Variants in DNAAF2 observed in about 807,000 individuals in gnomAD.
DNAAF2 encodes the protein dynein axonemal assembly factor 2.
Under a neutral mutation model 48.8 loss-of-function variants are expected in DNAAF2, and 58 were observed. That is an observed-to-expected ratio of 1.19 (90% confidence interval 0.96 to 1.48). DNAAF2 has a LOEUF of 1.48. Among genes scored for constraint, DNAAF2 ranks in the 40% most tolerant of loss-of-function variants. DNAAF2 has a pLI of 0.00. For synonymous variants in DNAAF2, 567 were observed against 481.2 expected (o/e 1.18, Z -2.33); for missense variants, 1,241 against 1,116.1 (o/e 1.11, Z -1.59).
At position 49,633,476 on chromosome 14, in the gene DNAAF2, T is replaced by C. The variant is rs368097316; in HGVS notation, c.1674A>G (p.Lys558=). 7.9e-5 allele frequency: 127 copies of C among 1,613,908 alleles called. No individual in the cohort carries two copies. Among genetic ancestry groups the C allele is most frequent in the South Asian group, 2.1e-4 (19 of 91,090 alleles). Residue 558 remains lysine (K), a synonymous_variant, in exon 1 of 3, where the codon AAA becomes AAG. Transcript: ENST00000298292. The stretch of plus-strand genomic sequence containing the variant: ...CTAAGTCTTGTGCGGAGAAGCGTAA[T>C]TTGTACCAGAGGGGATTCAAATCTC... The part of the protein sequence containing the change: ...LQGDLNPLWY[K]LRFSAQDLVY...
In DNAAF2 at chr14:49,625,471, A is replaced by C; in HGVS notation, c.*71T>G. The C allele has an allele frequency of 8.5e-7, 1 of 1,169,910 alleles. No individual in the cohort carries two copies. The highest frequency in any genetic ancestry group is 1.1e-6 in the Non-Finnish European group (1 of 888,958). 72.5% of individuals were successfully genotyped at this position (1,169,910 alleles called of 1,614,324 possible). ...TTAATACCTTTAGTTTTAAGACAACAGTTAACAGAATCAATTTTAGATACA... is the reference window on the plus strand; with the variant it reads ...TTAATACCTTTAGTTTTAAGACAACCGTTAACAGAATCAATTTTAGATACA... On this transcript the variant is annotated 3_prime_UTR_variant, in exon 3 of 3. Transcript: ENST00000298292.
rs557931447 is a variant in DNAAF2, at chr14:49,634,570, C to T, written c.580G>A (p.Gly194Arg). 2 of 1,605,054 alleles carry T rather than the reference C, an allele frequency of 1.2e-6. No individual in the cohort carries two copies. Among genetic ancestry groups the T allele is most frequent in the Non-Finnish European group, 1.7e-6 (2 of 1,179,718 alleles). The change falls in exon 1 of 3, where the codon GGG becomes AGG. Residue 194 changes from glycine to arginine, a missense_variant. Transcript: ENST00000298292. ...CGCAGCACCGCAGCCTCTGGGGTCCCCTTATACTTGGCCTTCAGGGTCTTG... is the reference window on the plus strand; with the variant it reads ...CGCAGCACCGCAGCCTCTGGGGTCCTCTTATACTTGGCCTTCAGGGTCTTG... ...NAKTLKAKYK[G>R]TPEAAVLRTP...
chr14:49,630,772 GAA>G (rs1883141197), intron 1 of DNAAF2, among the ~76,000 whole-genome samples: 1 of 112,152 alleles, frequency 8.9e-6, no homozygotes, highest in Non-Finnish European at 2.0e-5. Flanking sequence ...TTTTTTTTGA[GAA>G]AGAGTCTCAC....
intron 2 of DNAAF2, 22 bp downstream of exon 2, chr14:49,627,990 T>C (rs373069216): frequency 3.9e-6 from 6 of 1,552,066 alleles, no homozygotes; most frequent in Non-Finnish European, 4.4e-6. Context: ...TACTCCTCTA[T>C]AGAGCCCATC....
rs1014698490 is a variant in DNAAF2, at chr14:49,634,616, C to T, written c.534G>A (p.Val178=). The change falls in exon 1 of 3, where the codon GTG becomes GTA. Residue 178 remains valine, a synonymous_variant. Transcript: ENST00000298292. ...ALEAVEKQFG[V]KLDRRNAKTL... is the part of the protein sequence containing the mutation. Reference sequence around the variant, plus strand: ...TCTTGGCATTCCTGCGGTCCAGCTTCACGCCGAACTGCTTCTCGACGGCCT... The same window carrying T: ...TCTTGGCATTCCTGCGGTCCAGCTTTACGCCGAACTGCTTCTCGACGGCCT... 1.2e-6 allele frequency: 2 copies of T among 1,606,828 alleles called. No individual in the cohort carries two copies. Among genetic ancestry groups the T allele is most frequent in the Admixed American group, 1.7e-5 (1 of 60,006 alleles).
Position 49,625,813 on chromosome 14 carries a change from G to T in DNAAF2, c.2243C>A (p.Ser748Ter), listed in dbSNP as rs369112997. The T allele has an allele frequency of 6.2e-6, 10 of 1,607,362 alleles. No homozygotes were observed. In the African/African-American group the frequency reaches 8.1e-5, roughly 13 times the overall value. The change falls in exon 3 of 3, where the codon TCA becomes TAA. Residue 748 changes from serine to a stop codon, truncating the protein, a stop_gained. Transcript: ENST00000298292. LOFTEE classifies it high-confidence loss of function. ...MILGKSQQPE[S>*]KMQSEFIKEK... is the part of the protein sequence containing the mutation. ...TTTTATAAATTCAGATTGCATTTTT[G>T]ACTCAGGTTGCTGAGATTTTCCAAG...
chr14:49,628,243 T>A (rs1472213308), intron 1 of DNAAF2, 88 bp from the exon 2 acceptor site: 2 of 1,062,780 alleles, frequency 1.9e-6, no homozygotes, highest in East Asian at 2.6e-5. Flanking sequence ...AATTCTCACA[T>A]TGTTCAGGGT....
chr14:49,634,459 G>C lies in DNAAF2; in HGVS notation c.691C>G (p.Pro231Ala). ...LPDFPYPYQY[P>A]AAPGPRAPSP... The stretch of plus-strand genomic sequence containing the variant: ...GGCGCCCGGGGCCCGGGGGCTGCCG[G>C]GTACTGGTAAGGGTAGGGGAAGTCC... Residue 231 changes from proline to alanine, a missense_variant, in exon 1 of 3, where the codon CCG becomes GCG. Physicochemically the swap from Pro to Ala is conservative, Grantham distance 27. Transcript: ENST00000298292. 2 of 1,564,328 alleles carry C rather than the reference G, an allele frequency of 1.3e-6. No homozygotes were observed. The highest frequency in any genetic ancestry group is 1.7e-6 in the Non-Finnish European group (2 of 1,159,090).
Position 49,634,436 on chromosome 14 carries a change from C to A in DNAAF2, c.714G>T (p.Ala238=). ...GCAAGGCCGCTTCCGGAGGGGAGGG[C>A]GCCCGGGGCCCGGGGGCTGCCGGGT... The part of the protein sequence containing the change: ...YQYPAAPGPR[A]PSPPEAALQP... Residue 238 remains alanine (A), a synonymous_variant, in exon 1 of 3, where the codon GCG becomes GCT. Coordinates refer to ENST00000298292, the MANE Select transcript of DNAAF2 (RefSeq NM_018139.3). The A allele has an allele frequency of 6.4e-7, 1 of 1,559,960 alleles. No individual in the cohort carries two copies. The highest frequency in any genetic ancestry group is 8.7e-7 in the Non-Finnish European group (1 of 1,155,176).
chr14:49,625,409 A>G lies in DNAAF2; in HGVS notation c.*133T>C, dbSNP rs1882974383. 9 of 689,212 alleles carry G rather than the reference A, an allele frequency of 1.3e-5. No individual in the cohort carries two copies. The highest frequency in any genetic ancestry group is 1.9e-5 in the African/African-American group (1 of 53,378). 42.7% of individuals were successfully genotyped at this position (689,212 alleles called of 1,614,324 possible). A position where few individuals can be genotyped will look rare whatever the true frequency, so the allele number is the denominator to read the frequency against. On this transcript the variant is annotated 3_prime_UTR_variant, in exon 3 of 3. Transcript: ENST00000298292. ...TTCCCCCATGAGAATCAAAATTGCA[A>G]TTTTTTAAAAAAAATTGCAAATTTT...
At chr14:49,631,065 T>C (rs1283806670) in intron 1 of DNAAF2, among the ~76,000 whole-genome samples, 2 of 152,108 alleles carry the variant, frequency 1.3e-5, no homozygotes, top group Non-Finnish European at 2.9e-5. Flanking sequence ...TTTTCTTCCA[T>C]TAAACAGTAT....
chr14:49,633,526 G>C lies in DNAAF2; in HGVS notation c.1624C>G (p.Arg542Gly), dbSNP rs201615253. The C allele has an allele frequency of 4.3e-6, 7 of 1,614,026 alleles. No homozygotes were observed. Among genetic ancestry groups the C allele is most frequent in the Middle Eastern group, 1.6e-4 (1 of 6,062 alleles). The change falls in exon 1 of 3, where the codon CGG becomes GGG. Residue 542 changes from arginine (R) to glycine (G), a missense_variant. Transcript: ENST00000298292. ...CCTTGAAGACTTTGCGGCTGGATCC[G>C]AGGCACCTGAATGAGCAGAGTCAAG... ...ETLTLLIQVPRIQPQSLQGDL... is the reference protein window; with the variant it reads ...ETLTLLIQVPGIQPQSLQGDL...
intron 1 of DNAAF2, among the ~76,000 whole-genome samples, chr14:49,628,684 ACCTCAAGCTATCCACCTGCCCTGG>A (rs1883075583): frequency 6.6e-6 from 1 of 152,152 alleles, no homozygotes; most frequent in Non-Finnish European, 1.5e-5. Context: ...TGAACTCCTG[ACCTCAAGCTATCCACCTGCCCTGG>A]CCTCCCAAAG....
rs527414146 is a variant in DNAAF2, at chr14:49,633,894, T to A, written c.1256A>T (p.Glu419Val). 5.9e-6 allele frequency: 9 copies of A among 1,534,260 alleles called. No homozygotes were observed. In the East Asian group the frequency reaches 2.0e-4, roughly 33 times the overall value. Residue 419 changes from glutamate to valine, a missense_variant, in exon 1 of 3, where the codon GAG becomes GTG. Transcript: ENST00000298292. The part of the protein sequence containing the change: ...GSGVTTLGDP[E>V]VAPPPAAAGE... ...AGCTGCGGCCGGCGGAGGCGCCACC[T>A]CCGGGTCGCCCAGGGTGGTGACCCC...
In DNAAF2 at chr14:49,634,234, G is replaced by A. The variant is rs1883262955; in HGVS notation, c.916C>T (p.Leu306=). 6.2e-7 allele frequency: 1 copy of A among 1,612,272 alleles called. No homozygotes were observed. The highest frequency in any genetic ancestry group is 1.1e-5 in the South Asian group (1 of 91,080). ...EQAALEVTRK[L]LCLDSRKPDY... is the part of the protein sequence containing the mutation. ...GGTTTCCTCGAGTCGAGGCACAGCA[G>A]CTTTCTCGTTACCTCCAGCGCCGCC... The change falls in exon 1 of 3, where the codon CTG becomes TTG. Residue 306 remains leucine, a synonymous_variant. Coordinates refer to ENST00000298292, the MANE Select transcript of DNAAF2 (RefSeq NM_018139.3).
rs1364532992 is a variant in DNAAF2 at position 49,633,943 on chromosome 14, A to C, written c.1207T>G (p.Cys403Gly). 1 of 1,530,868 alleles carries C rather than the reference A, an allele frequency of 6.5e-7. No homozygotes were observed. The highest frequency in any genetic ancestry group is 2.5e-5 in the East Asian group (1 of 40,740). 94.8% of individuals were successfully genotyped at this position (1,530,868 alleles called of 1,614,324 possible). ...CCGGAGCCCGCAGCCCCAGCCACGCAGGTATCGTGGCCTCCGTCCTCCGCG... is the reference window on the plus strand; with the variant it reads ...CCGGAGCCCGCAGCCCCAGCCACGCCGGTATCGTGGCCTCCGTCCTCCGCG... ...SRAEDGGHDT[C>G]VAGAAGSGVT... The change falls in exon 1 of 3, where the codon TGC becomes GGC. Residue 403 changes from cysteine to glycine, a missense_variant. Coordinates refer to ENST00000298292, the MANE Select transcript of DNAAF2 (RefSeq NM_018139.3).
At chr14:49,626,906 A>G (rs1053949127) in intron 2 of DNAAF2, among the ~76,000 whole-genome samples, 7 of 146,480 alleles carry the variant, frequency 4.8e-5, no homozygotes, top group African/African-American at 1.8e-4. Flanking sequence ...CCCAGATTCA[A>G]GCGATTCTCC....
chr14:49,634,951 C>T lies in DNAAF2; in HGVS notation c.199G>A (p.Val67Met), dbSNP rs1166418211. 1.3e-6 allele frequency: 2 copies of T among 1,558,348 alleles called. No individual in the cohort carries two copies. Among genetic ancestry groups the T allele is most frequent in the Non-Finnish European group, 1.7e-6 (2 of 1,151,254 alleles). ...CCGGGCTCCGGGTGCACGAACCGCA[C>T]TTCCACCCCGCGCTCACGCTCTAGC... ...TALERERGVE[V>M]RFVHPEPGHV... The change falls in exon 1 of 3, where the codon GTG becomes ATG. Residue 67 changes from valine to methionine, a missense_variant. By Grantham distance (21) the Val-to-Met change is conservative. Coordinates refer to ENST00000298292, the MANE Select transcript of DNAAF2 (RefSeq NM_018139.3).
intron 2 of DNAAF2, among the ~76,000 whole-genome samples, chr14:49,626,797 G>GTT (rs1566508178): frequency 4.1e-5 from 4 of 97,524 alleles, no homozygotes; most frequent in African/African-American, 1.8e-4. Flanking sequence ...TCTGCTGCCA[G>GTT]TCTTTTTTTT....
Sources: gnomAD v4.1 joint callset for allele counts (sites outside exome capture counted in the v4.1 genomes callset) on GRCh38, gnomAD v4.1.1 for gene constraint, MANE v1.5 for transcripts, NCBI Gene and HGNC (gene_info 2026-07-23, HGNC 2026-07-21) for gene names.